Variants in FARS2 observed in about 807,000 individuals in gnomAD.
The protein encoded by FARS2 is phenylalanine--tRNA ligase, mitochondrial.
A neutral mutation model predicts 46.4 loss-of-function variants in FARS2; 40 were observed. That is an observed-to-expected ratio of 0.86 (90% CI 0.67 to 1.12). The LOEUF is 1.12. Among genes scored for constraint, FARS2 ranks in the 50% most tolerant of loss-of-function variants. FARS2 has a pLI of 0.00. For synonymous variants in FARS2, 234 were observed against 214.9 expected, an observed-to-expected ratio of 1.09 and a Z score of -0.78; for missense variants, 513 against 567.9, an observed-to-expected ratio of 0.90 and a Z score of 0.98.
chr6:5,577,894 C>T (rs367952347), intron 5 of FARS2, among the ~76,000 whole-genome samples: 3 of 152,030 alleles, frequency 2.0e-5, no homozygotes, highest in African/African-American at 4.8e-5. Context: ...CTCTGCCTCC[C>T]GGGTTCACGC....
intron 6 of FARS2, among the ~76,000 whole-genome samples, chr6:5,724,473 C>G (rs1170684700): frequency 6.6e-6 from 1 of 152,242 alleles, no homozygotes; most frequent in Admixed American, 6.5e-5. Context: ...AGAGCCAGCT[C>G]TGAGTCCCCA....
At chr6:5,621,953 T>C (rs915647647) in intron 6 of FARS2, among the ~76,000 whole-genome samples, 1 of 152,212 alleles carries the variant, frequency 6.6e-6, no homozygotes, top group Non-Finnish European at 1.5e-5. Flanking sequence ...TTAACATCTC[T>C]TCTCTTTCTA....
chr6:5,606,359 C>T (rs558569856), intron 5 of FARS2, among the ~76,000 whole-genome samples: 20 of 152,040 alleles, frequency 1.3e-4, no homozygotes, highest in South Asian at 4.2e-4. Flanking sequence ...TGCTAATAGG[C>T]GGCAGGGAAG....
At chr6:5,253,584 G>A in the FARS2 span, among the ~76,000 whole-genome samples, 4 of 152,190 alleles carry the variant, frequency 2.6e-5, no homozygotes, top group Admixed American at 1.3e-4. Context: ...CCTAGGAACT[G>A]CTAACAAAGG....
chr6:5,614,936 T>G (rs1165296137), intron 6 of FARS2, among the ~76,000 whole-genome samples: 2 of 152,226 alleles, frequency 1.3e-5, no homozygotes, highest in Non-Finnish European at 2.9e-5. Flanking sequence ...TCTTTCTTTT[T>G]GGGAGGATCT....
chr6:5,317,546 C>T (rs1769621373), intron 1 of FARS2, among the ~76,000 whole-genome samples: 1 of 152,144 alleles, frequency 6.6e-6, no homozygotes, highest in East Asian at 1.9e-4. Context: ...TTTGGGAGGC[C>T]GGGGCAAGAG....
At chr6:5,721,488 G>A (rs1759904635) in intron 6 of FARS2, among the ~76,000 whole-genome samples, 1 of 151,050 alleles carries the variant, frequency 6.6e-6, no homozygotes, top group African/African-American at 2.4e-5. Context: ...CATTGAAATC[G>A]ATTAGTCTAT....
At chr6:5,669,934 G>A (rs755720992) in intron 6 of FARS2, among the ~76,000 whole-genome samples, 26 of 152,276 alleles carry the variant, frequency 1.7e-4, no homozygotes, top group Non-Finnish European at 2.6e-4. Context: ...ACCTATGAAC[G>A]GGGGTGGGGA....
At chr6:5,486,137 C>T (rs1766763174) in intron 4 of FARS2, among the ~76,000 whole-genome samples, 1 of 152,170 alleles carries the variant, frequency 6.6e-6, no homozygotes, top group African/African-American at 2.4e-5. Context: ...AGCACAGGGC[C>T]ATTCACACTC....
chr6:5,701,323 C>T (rs906249141), intron 6 of FARS2, among the ~76,000 whole-genome samples: 19 of 152,224 alleles, frequency 1.2e-4, no homozygotes, highest in African/African-American at 3.6e-4. Flanking sequence ...CCTGAGCCAC[C>T]GTAAATCACC....
At chr6:5,289,051 G>A (rs1008736746) in intron 1 of FARS2, among the ~76,000 whole-genome samples, 4 of 152,220 alleles carry the variant, frequency 2.6e-5, no homozygotes, top group African/African-American at 7.2e-5. Context: ...CCCTTAGAGT[G>A]GGAGAATTTT....
intron 6 of FARS2, among the ~76,000 whole-genome samples, chr6:5,660,779 A>G (rs925438336): frequency 1.3e-5 from 2 of 152,174 alleles, no homozygotes; most frequent in African/African-American, 2.4e-5. Context: ...AAAGAAATCT[A>G]TGGATCAGAG....
intron 2 of FARS2, among the ~76,000 whole-genome samples, chr6:5,369,843 G>T (rs1306978228): frequency 2.6e-5 from 4 of 151,444 alleles, no homozygotes; most frequent in African/African-American, 9.7e-5. Flanking sequence ...GCATCTGTTA[G>T]ATGTTATCCT....
chr6:5,736,201 G>A (rs1224548590), intron 6 of FARS2, among the ~76,000 whole-genome samples: 1 of 152,162 alleles, frequency 6.6e-6, no homozygotes, highest in African/African-American at 2.4e-5. Flanking sequence ...TCACCACCTG[G>A]GCTCCTCCAC....
chr6:5,290,360 C>A (rs1334144889), intron 1 of FARS2, among the ~76,000 whole-genome samples: 2 of 152,294 alleles, frequency 1.3e-5, no homozygotes, highest in East Asian at 3.9e-4. Context: ...ACCATGGTAT[C>A]TCACAGACTG....
At chr6:5,663,650 G>A (rs753849948) in intron 6 of FARS2, among the ~76,000 whole-genome samples, 41 of 152,178 alleles carry the variant, frequency 2.7e-4, no homozygotes, top group Non-Finnish European at 8.8e-5. Flanking sequence ...GACAAAAGTT[G>A]GTGTGGAAGA....
chr6:5,726,595 G>A (rs542707417), intron 6 of FARS2, among the ~76,000 whole-genome samples: 13 of 152,286 alleles, frequency 8.5e-5, no homozygotes, highest in Admixed American at 3.9e-4. Context: ...TTGTCTTAAC[G>A]ATATTTTTAA....
chr6:5,657,725 G>C (rs1184135555), intron 6 of FARS2, among the ~76,000 whole-genome samples: 1 of 152,154 alleles, frequency 6.6e-6, no homozygotes, highest in African/African-American at 2.4e-5. Flanking sequence ...GAGGACAGAG[G>C]CATTTTCAAA....
chr6:5,560,172 G>A (rs555517774), intron 5 of FARS2, among the ~76,000 whole-genome samples: 2 of 152,216 alleles, frequency 1.3e-5, no homozygotes, highest in South Asian at 4.1e-4. Flanking sequence ...TCAAAGTTTT[G>A]AAATGAGTGT....
Sources: allele counts gnomAD v4.1 joint callset (sites outside exome capture counted in the v4.1 genomes callset), GRCh38; gene constraint gnomAD v4.1.1; transcripts MANE v1.5; gene names NCBI Gene and HGNC (gene_info 2026-07-23, HGNC 2026-07-21).